Variants in BORCS5 observed in about 807,000 individuals in gnomAD.
BORCS5 encodes the protein BLOC-1 related complex subunit 5.
In BORCS5, 17 loss-of-function variants were observed where a neutral mutation model predicts 22.1. The observed-to-expected ratio is 0.77, with a 90% CI of 0.53 to 1.15. BORCS5 has a LOEUF of 1.15. BORCS5 is among the 50% of genes most tolerant of loss of function. The pLI, the probability that BORCS5 is intolerant of heterozygous loss-of-function variation, is 0.00. For missense variants in BORCS5, 247 were observed against 253.2 expected, an observed-to-expected ratio of 0.98 and a Z score of 0.17; for synonymous variants, 117 against 99.8, an observed-to-expected ratio of 1.17 and a Z score of -1.03.
At chr12:12,410,383 C>T (rs1941701970) in intron 2 of BORCS5, among the ~76,000 whole-genome samples, 1 of 151,386 alleles carries the variant, frequency 6.6e-6, no homozygotes, top group African/African-American at 2.5e-5. Flanking sequence ...GTCTTTAATC[C>T]ATCTTGAATT....
At chr12:12,376,871 GCA>G (rs980443281) in intron 2 of BORCS5, among the ~76,000 whole-genome samples, 1 of 152,162 alleles carries the variant, frequency 6.6e-6, no homozygotes, top group African/African-American at 2.4e-5. Context: ...GCAACCTGGT[GCA>G]GTCTTTTCAA....
At chr12:12,361,026 C>A (rs992418017) in intron 1 of BORCS5, among the ~76,000 whole-genome samples, 180 bp from the exon 2 acceptor site, 5 of 152,160 alleles carry the variant, frequency 3.3e-5, no homozygotes, top group African/African-American at 4.8e-5. Context: ...TGGCTCCAGC[C>A]TGAGCTTTTA....
chr12:12,432,381 G>T (rs1766890916), intron 2 of BORCS5, among the ~76,000 whole-genome samples: 1 of 152,170 alleles, frequency 6.6e-6, no homozygotes, highest in South Asian at 2.1e-4. Context: ...CAGTGATAGG[G>T]TAGCCCTTGA....
At chr12:12,357,626 G>A (rs2136007719) in intron 1 of BORCS5, 117 bp downstream of exon 1, 2 of 1,081,938 alleles carry the variant, frequency 1.8e-6, no homozygotes, top group Non-Finnish European at 2.5e-6. Context: ...AGCCTTCACC[G>A]TGCTAGTAGG....
intron 2 of BORCS5, among the ~76,000 whole-genome samples, chr12:12,382,707 A>G (rs1364172610): frequency 1.3e-5 from 2 of 150,506 alleles, no homozygotes. Context: ...TAATTTTTGT[A>G]TTTTTAGTAG....
At chr12:12,420,467 G>A (rs1183137372) in intron 2 of BORCS5, among the ~76,000 whole-genome samples, 2 of 152,132 alleles carry the variant, frequency 1.3e-5, no homozygotes, top group African/African-American at 4.8e-5. Flanking sequence ...TATAGTTGAA[G>A]TCAGGTAGTA....
chr12:12,374,208 G>A (rs1321417226), intron 2 of BORCS5, among the ~76,000 whole-genome samples: 2 of 151,530 alleles, frequency 1.3e-5, no homozygotes, highest in Non-Finnish European at 2.9e-5. Flanking sequence ...AGCCAGGATG[G>A]TCTCGATCTC....
chr12:12,465,313 C>T (rs1029091609), intron 3 of BORCS5, among the ~76,000 whole-genome samples: 1 of 152,126 alleles, frequency 6.6e-6, no homozygotes, highest in Non-Finnish European at 1.5e-5. Context: ...ACGCACATTC[C>T]CAGAACATAG....
intron 2 of BORCS5, among the ~76,000 whole-genome samples, chr12:12,430,002 A>C (rs1942380988): frequency 6.6e-6 from 1 of 152,162 alleles, no homozygotes; most frequent in Non-Finnish European, 1.5e-5. Flanking sequence ...TTGGAATTCC[A>C]GCAATAGAAC....
At chr12:12,399,723 T>C (rs762495455) in intron 2 of BORCS5, among the ~76,000 whole-genome samples, 40 of 152,214 alleles carry the variant, frequency 2.6e-4, no homozygotes, top group Non-Finnish European at 2.9e-5. Context: ...TGTCCCTTTG[T>C]AGGTTTCAAT....
chr12:12,376,796 T>C (rs1390347090), intron 2 of BORCS5, among the ~76,000 whole-genome samples: 1 of 152,184 alleles, frequency 6.6e-6, no homozygotes, highest in Non-Finnish European at 1.5e-5. Flanking sequence ...AGTCCTGTGT[T>C]TAACAACACT....
chr12:12,438,382 G>GAAAA lies in BORCS5; in HGVS notation c.360+2599_360+2602dup, dbSNP rs1565915767. On this transcript the variant is annotated intron_variant, in intron 3 of 3. Transcript: ENST00000314565. ...TCTCAAAAAAAAAAAAAAAAAAAAC[G>GAAAA]AAAAACAACAACAAAAACCTCTAAT... 1.3e-3 allele frequency among the ~76,000 whole-genome samples: 144 copies of GAAAA among 106,910 alleles called. 6 individuals are homozygous for GAAAA. The highest frequency in any genetic ancestry group is 7.6e-3 in the African/African-American group (137 of 18,018). The allele number at this position is 106,910 out of a possible 152,430, so 70.1% of individuals were successfully genotyped here. A position where few individuals can be genotyped will look rare whatever the true frequency, so the allele number is the denominator to read the frequency against.
rs915282223 is a variant in BORCS5 at position 12,444,699 on chromosome 12, T to C, written c.360+8914T>C. Among the ~76,000 whole-genome samples, 4 of 152,202 alleles carry C rather than the reference T, an allele frequency of 2.6e-5. No individual in the cohort carries two copies. The South Asian group carries it at 8.3e-4, about 32-fold the overall frequency. Reference sequence around the variant, plus strand: ...GCAAGGTTCCATGGTAAATTTTGCTTGGTTTAAGTCCTCCTGCCAATGAAA... The same window carrying C: ...GCAAGGTTCCATGGTAAATTTTGCTCGGTTTAAGTCCTCCTGCCAATGAAA... On this transcript the variant is annotated intron_variant, in intron 3 of 3. Transcript: ENST00000314565.
intron 2 of BORCS5, among the ~76,000 whole-genome samples, chr12:12,385,675 A>G (rs1863864188): frequency 6.6e-6 from 1 of 151,030 alleles, no homozygotes; most frequent in Non-Finnish European, 1.5e-5. Flanking sequence ...ATGCCTGGCT[A>G]ATTTTTGTAT....
At chr12:12,428,295 C>G (rs1246253090) in intron 2 of BORCS5, among the ~76,000 whole-genome samples, 2 of 152,190 alleles carry the variant, frequency 1.3e-5, no homozygotes, top group African/African-American at 2.4e-5. Context: ...GAATATTTCC[C>G]ACACTTCTAA....
intron 2 of BORCS5, among the ~76,000 whole-genome samples, chr12:12,424,471 G>C (rs576718633): frequency 2.6e-5 from 4 of 152,130 alleles, no homozygotes; most frequent in African/African-American, 7.2e-5. Flanking sequence ...TTAGCTCTTT[G>C]AGCATCTTTA....
intron 3 of BORCS5, among the ~76,000 whole-genome samples, chr12:12,438,385 A>AACAAC (rs1555156050): frequency 2.4e-5 from 3 of 126,112 alleles, no homozygotes; most frequent in Non-Finnish European, 3.4e-5. Context: ...AAAAAACGAA[A>AACAAC]AACAACAACA....
chr12:12,382,784 C>T (rs776552140), intron 2 of BORCS5, among the ~76,000 whole-genome samples: 25 of 151,146 alleles, frequency 1.7e-4, no homozygotes, highest in Admixed American at 6.6e-4. Context: ...CCACCTGCCT[C>T]GGCCTCCCAG....
intron 2 of BORCS5, among the ~76,000 whole-genome samples, chr12:12,389,282 C>T (rs932739778): frequency 2.0e-5 from 3 of 149,966 alleles, no homozygotes; most frequent in Admixed American, 6.7e-5. Context: ...GGATTACAGG[C>T]GCCCACCACC....
Sources: gnomAD v4.1 joint callset for allele counts (sites outside exome capture counted in the v4.1 genomes callset) on GRCh38, gnomAD v4.1.1 for gene constraint, MANE v1.5 for transcripts, NCBI Gene and HGNC (gene_info 2026-07-23, HGNC 2026-07-21) for gene names.